SYN3: variants seen among roughly 807,000 people sequenced by gnomAD.
The protein encoded by SYN3 is synapsin III.
A neutral mutation model predicts 65.8 loss-of-function variants in SYN3; 35 were observed. That is an observed-to-expected ratio of 0.53 (90% CI 0.41 to 0.70). The LOEUF is 0.70. Among genes scored for constraint, SYN3 ranks in the 30% least tolerant of loss-of-function variants. The pLI, the probability that SYN3 is intolerant of heterozygous loss-of-function variation, is 0.00. For missense variants in SYN3, 680 were observed against 749.0 expected, an observed-to-expected ratio of 0.91 and a Z score of 1.08; for synonymous variants, 270 against 292.9, an observed-to-expected ratio of 0.92 and a Z score of 0.80.
Position 32,541,732 on chromosome 22 carries a change from G to A in SYN3, c.775-19C>T. 1 of 1,610,932 alleles carries A rather than the reference G, an allele frequency of 6.2e-7. No individual in the cohort carries two copies. Among genetic ancestry groups the A allele is most frequent in the Non-Finnish European group, 8.5e-7 (1 of 1,178,140 alleles). On this transcript the variant is annotated intron_variant, in intron 7 of 13. Transcript: ENST00000358763. ...CTTTGATCTGTGTGGGAGGATGAGGGGGATGAGTGCCACCCACCCCGTGTT... is the reference window on the plus strand; with the variant it reads ...CTTTGATCTGTGTGGGAGGATGAGGAGGATGAGTGCCACCCACCCCGTGTT...
rs769121532 is a variant in SYN3 at position 32,528,041 on chromosome 22, C to T, written c.1231-36G>A. ...AGAGAAAAGAAGCCTGTTGGTATCACCACAGCCCTTTACTTCCTGGGTGAG... is the reference window on the plus strand; with the variant it reads ...AGAGAAAAGAAGCCTGTTGGTATCATCACAGCCCTTTACTTCCTGGGTGAG... On this transcript the variant is annotated intron_variant, in intron 11 of 13. Coordinates refer to ENST00000358763, the MANE Select transcript of SYN3 (RefSeq NM_003490.4). 4 of 1,470,904 alleles carry T rather than the reference C, an allele frequency of 2.7e-6. No homozygotes were observed. The Admixed American group carries it at 7.7e-5, about 28-fold the overall frequency. 91.1% of individuals were successfully genotyped at this position (1,470,904 alleles called of 1,614,324 possible). A position where few individuals can be genotyped will look rare whatever the true frequency, so the allele number is the denominator to read the frequency against.
At chr22:32,692,098 G>GT (rs61625935) in intron 6 of SYN3, among the ~76,000 whole-genome samples, 2,229 of 122,096 alleles carry the variant, frequency 0.018, 44 homozygotes, top group African/African-American at 0.043. Context: ...TGTGGTCATT[G>GT]TTTTTTTTTT....
intron 2 of SYN3, among the ~76,000 whole-genome samples, chr22:32,993,147 A>G (rs1340005182): frequency 6.6e-6 from 1 of 151,874 alleles, no homozygotes. Context: ...CTAGATCTGT[A>G]GAGGGGCCCA....
At chr22:32,863,449 G>A (rs1344673980) in intron 6 of SYN3, among the ~76,000 whole-genome samples, 1 of 152,194 alleles carries the variant, frequency 6.6e-6, no homozygotes, top group Non-Finnish European at 1.5e-5. Flanking sequence ...CTGCCTGCTT[G>A]AAATTCCAAG....
intron 6 of SYN3, among the ~76,000 whole-genome samples, chr22:32,609,732 C>G (rs1569087842): frequency 6.6e-6 from 1 of 151,926 alleles, no homozygotes; most frequent in Non-Finnish European, 1.5e-5. Context: ...CCTAAAGCAA[C>G]CCTCCCACCT....
chr22:32,702,584 G>T (rs955918447), intron 6 of SYN3, among the ~76,000 whole-genome samples: 6 of 152,142 alleles, frequency 3.9e-5, no homozygotes, highest in Admixed American at 3.3e-4. Context: ...AATTCTTTTC[G>T]TGTTACAAAA....
At chr22:32,639,834 A>G (rs2059870831) in intron 6 of SYN3, among the ~76,000 whole-genome samples, 1 of 152,226 alleles carries the variant, frequency 6.6e-6, no homozygotes, top group African/African-American at 2.4e-5. Flanking sequence ...GGTGTGAGCC[A>G]CCATGTCCCT....
At chr22:32,513,863 G>A (rs768519882) in intron 13 of SYN3, 39 bp from the exon 14 acceptor site, 35 of 1,612,112 alleles carry the variant, frequency 2.2e-5, no homozygotes, top group East Asian at 6.7e-5. Context: ...AAGACAAGGC[G>A]AAGACTATCA....
chr22:32,610,879 G>A (rs537746548), intron 6 of SYN3, among the ~76,000 whole-genome samples: 4 of 152,216 alleles, frequency 2.6e-5, no homozygotes, highest in Admixed American at 6.5e-5. Flanking sequence ...ACTGCGTCCA[G>A]CCACTTTGTT....
At chr22:32,983,030 A>G (rs145843640) in intron 2 of SYN3, among the ~76,000 whole-genome samples, 94 of 152,288 alleles carry the variant, frequency 6.2e-4, no homozygotes, top group African/African-American at 2.0e-3. Flanking sequence ...ATAGGTTTGG[A>G]TATCGTCTCA....
chr22:32,761,749 T>C (rs951242463), intron 6 of SYN3, among the ~76,000 whole-genome samples: 3 of 152,218 alleles, frequency 2.0e-5, no homozygotes, highest in Admixed American at 2.0e-4. Context: ...CATTTATTTA[T>C]TTACTTTTCA....
At chr22:32,670,399 A>G (rs2060344176) in intron 6 of SYN3, among the ~76,000 whole-genome samples, 1 of 152,192 alleles carries the variant, frequency 6.6e-6, no homozygotes, top group Non-Finnish European at 1.5e-5. Flanking sequence ...AGGGGGGAAA[A>G]GATCCTGCTT....
chr22:32,665,669 C>T (rs1470268515), intron 6 of SYN3, among the ~76,000 whole-genome samples: 1 of 152,110 alleles, frequency 6.6e-6, no homozygotes, highest in Non-Finnish European at 1.5e-5. Flanking sequence ...GACCCAACCT[C>T]CTACCTTGCT....
intron 1 of SYN3, among the ~76,000 whole-genome samples, chr22:33,024,376 C>G (rs1457098632): frequency 1.3e-5 from 2 of 152,200 alleles, no homozygotes; most frequent in Non-Finnish European, 2.9e-5. Flanking sequence ...TCCAGAGGCT[C>G]TGATTCCACA....
At chr22:32,834,782 C>T (rs1192568603) in intron 6 of SYN3, among the ~76,000 whole-genome samples, 1 of 152,186 alleles carries the variant, frequency 6.6e-6, no homozygotes, top group Non-Finnish European at 1.5e-5. Context: ...CTATCTGGTA[C>T]AGGGTACCAT....
chr22:32,972,930 G>T (rs1294501198), intron 3 of SYN3, among the ~76,000 whole-genome samples: 1 of 152,138 alleles, frequency 6.6e-6, no homozygotes, highest in Non-Finnish European at 1.5e-5. Flanking sequence ...GATCACTTGA[G>T]CCCAGGAGTT....
chr22:32,908,385 CTTTT>C (rs10719402), intron 4 of SYN3, among the ~76,000 whole-genome samples: 28 of 116,606 alleles, frequency 2.4e-4, no homozygotes, highest in Admixed American at 4.6e-4. Flanking sequence ...CACGCCTAGC[CTTTT>C]TTTTTTTTTT....
At chr22:32,908,454 G>A (rs2049963468) in intron 4 of SYN3, among the ~76,000 whole-genome samples, 1 of 148,018 alleles carries the variant, frequency 6.8e-6, no homozygotes, top group Non-Finnish European at 1.5e-5. Context: ...TCGGTGGTAT[G>A]GTCATAGCTC....
At chr22:32,903,512 T>A (rs1414257366) in intron 4 of SYN3, among the ~76,000 whole-genome samples, 1 of 152,084 alleles carries the variant, frequency 6.6e-6, no homozygotes, top group African/African-American at 2.4e-5. Context: ...CTAGAGCTTG[T>A]GGGTAGGGGG....
Sources: gnomAD v4.1 joint callset for allele counts (sites outside exome capture counted in the v4.1 genomes callset) on GRCh38, gnomAD v4.1.1 for gene constraint, MANE v1.5 for transcripts, NCBI Gene and HGNC (gene_info 2026-07-23, HGNC 2026-07-21) for gene names.